CAMSAP1: variants seen among roughly 807,000 people sequenced by gnomAD.
CAMSAP1 encodes calmodulin-regulated spectrin-associated protein 1.
Under a neutral mutation model 143.5 loss-of-function variants are expected in CAMSAP1, and 58 were observed. The observed-to-expected ratio is 0.40, with a 90% CI of 0.33 to 0.50. The LOEUF (loss-of-function observed/expected upper bound fraction) is 0.50, where lower values mean the gene tolerates loss of function less well. CAMSAP1 is among the 20% of genes least tolerant of loss of function. The probability of loss-of-function intolerance (pLI) is 0.45; values close to 1 mark genes in which losing one functional copy is unlikely to be tolerated. For missense variants in CAMSAP1, 1,969 were observed against 2,115.7 expected (o/e 0.93, Z 1.36); for synonymous variants, 945 against 859.3 (o/e 1.10, Z -1.74).
chr9:135,865,378 G>C (rs891565349), intron 4 of CAMSAP1: 1 of 1,550,746 alleles, frequency 6.4e-7, no homozygotes, highest in Non-Finnish European at 8.7e-7. Flanking sequence ...CTCAGGAAGC[G>C]AGAGAAGGAA....
intron 7 of CAMSAP1, among the ~76,000 whole-genome samples, chr9:135,848,663 G>A (rs1399399119): frequency 6.6e-6 from 1 of 152,198 alleles, no homozygotes; most frequent in Non-Finnish European, 1.5e-5. Flanking sequence ...GCTCGTGGCT[G>A]TGGCTCACAC....
intron 1 of CAMSAP1, among the ~76,000 whole-genome samples, chr9:135,902,416 A>G (rs2131031688): frequency 6.6e-6 from 1 of 152,234 alleles, no homozygotes; most frequent in East Asian, 1.9e-4. Context: ...GAAGACACGC[A>G]GTGGTTTCAC....
chr9:135,898,320 G>A (rs1322834079), intron 1 of CAMSAP1, among the ~76,000 whole-genome samples: 1 of 152,130 alleles, frequency 6.6e-6, no homozygotes, highest in African/African-American at 2.4e-5. Flanking sequence ...TCTCTGTATA[G>A]TATTTCTTTA....
rs557441436 is a variant in CAMSAP1 at position 135,840,137 on chromosome 9, G to A, written c.1045+10000C>T. 5.1e-4 allele frequency among the ~76,000 whole-genome samples: 78 copies of A among 152,336 alleles called. 1 individual carries two copies. In the South Asian group the frequency reaches 0.011, roughly 22 times the overall value. On this transcript the variant is annotated intron_variant, in intron 7 of 16. Coordinates refer to ENST00000389532, the MANE Select transcript of CAMSAP1 (RefSeq NM_015447.4). ...GCAGTTCACTTTTCCAAGAGCAGCC[G>A]TGCATTCTGCACCTGAGTGTTGGCC...
intron 1 of CAMSAP1, among the ~76,000 whole-genome samples, chr9:135,892,510 C>A (rs1838318328): frequency 6.6e-6 from 1 of 151,954 alleles, no homozygotes; most frequent in African/African-American, 2.4e-5. Flanking sequence ...GGAGACCAGC[C>A]TGGGCAACAT....
chr9:135,839,300 T>C (rs556619523), intron 7 of CAMSAP1, among the ~76,000 whole-genome samples: 1 of 152,220 alleles, frequency 6.6e-6, no homozygotes, highest in African/African-American at 2.4e-5. Flanking sequence ...TAGCTATGAG[T>C]CTGTTTGTGT....
intron 1 of CAMSAP1, among the ~76,000 whole-genome samples, chr9:135,905,055 TCTCA>T (rs1417343790): frequency 6.6e-6 from 1 of 152,196 alleles, no homozygotes; most frequent in African/African-American, 2.4e-5. Context: ...GGCACTCCAG[TCTCA>T]GCTCCTAAGA....
intron 5 of CAMSAP1, among the ~76,000 whole-genome samples, chr9:135,855,271 C>T (rs1836916161): frequency 6.6e-6 from 1 of 152,156 alleles, no homozygotes; most frequent in Admixed American, 6.5e-5. Flanking sequence ...GGATTACAGG[C>T]GTGAGCCACT....
At chr9:135,897,353 T>C (rs1262227479) in intron 1 of CAMSAP1, among the ~76,000 whole-genome samples, 1 of 152,048 alleles carries the variant, frequency 6.6e-6, no homozygotes, top group Non-Finnish European at 1.5e-5. Context: ...TAGGTCTTGC[T>C]ATGTTGCCCA....
intron 7 of CAMSAP1, among the ~76,000 whole-genome samples, chr9:135,832,777 C>T (rs912845621): frequency 1.3e-5 from 2 of 151,986 alleles, no homozygotes; most frequent in Non-Finnish European, 2.9e-5. Flanking sequence ...AGAAAACAAT[C>T]CAATTTATAA....
At chr9:135,836,436 A>G (rs538575485) in intron 7 of CAMSAP1, 7 of 982,422 alleles carry the variant, frequency 7.1e-6, no homozygotes, top group Admixed American at 6.3e-5. Context: ...GTCACCACAC[A>G]CTTTCTACCC....
At position 135,824,959 on chromosome 9, in the gene CAMSAP1, G is replaced by A; in HGVS notation, c.1224-79C>T. ...CAACAGCAAATGCACAAGTGTACAG[G>A]ACCATCCTGAATTCACACCAAGTTT... On this transcript the variant is annotated intron_variant, in intron 8 of 16. Transcript: ENST00000389532. The surrounding 1 kb of genome is among the most constrained non-coding windows in gnomAD (Gnocchi z 4.1). 2.7e-6 allele frequency: 3 copies of A among 1,106,604 alleles called. No individual in the cohort carries two copies. The highest frequency in any genetic ancestry group is 3.0e-5 in the South Asian group (2 of 66,806). 68.5% of individuals were successfully genotyped at this position (1,106,604 alleles called of 1,614,324 possible).
chr9:135,885,008 A>G (rs1219888601), intron 1 of CAMSAP1, among the ~76,000 whole-genome samples: 2 of 152,186 alleles, frequency 1.3e-5, no homozygotes, highest in East Asian at 1.9e-4. Context: ...AAGATGCGAC[A>G]GTCACTCTCA....
chr9:135,830,266 G>A (rs944388500), intron 7 of CAMSAP1, among the ~76,000 whole-genome samples: 1 of 152,204 alleles, frequency 6.6e-6, no homozygotes, highest in Non-Finnish European at 1.5e-5. Flanking sequence ...AAAAGATAGA[G>A]AGTAGCTAAA....
At chr9:135,839,571 G>A (rs531205197) in intron 7 of CAMSAP1, among the ~76,000 whole-genome samples, 8 of 152,240 alleles carry the variant, frequency 5.3e-5, no homozygotes, top group Non-Finnish European at 7.4e-5. Context: ...AGAATCACGC[G>A]ACATTAACAA....
chr9:135,866,649 C>T (rs180673597), intron 3 of CAMSAP1, 113 bp from the exon 4 acceptor site: 10 of 643,586 alleles, frequency 1.6e-5, no homozygotes, highest in Non-Finnish European at 2.8e-5. Context: ...GACTCCTAGA[C>T]ATAGGTATTG....
chr9:135,812,737 G>A (rs1835094429), intron 16 of CAMSAP1, among the ~76,000 whole-genome samples: 1 of 152,208 alleles, frequency 6.6e-6, no homozygotes, highest in African/African-American at 2.4e-5. Context: ...GGGAAGCTGA[G>A]GTGGGCGAAT....
chr9:135,862,087 T>C (rs948723730), intron 5 of CAMSAP1, among the ~76,000 whole-genome samples: 4 of 152,190 alleles, frequency 2.6e-5, no homozygotes, highest in Admixed American at 2.0e-4. Context: ...TTCTGAGACA[T>C]AGATAAAGTC....
intron 3 of CAMSAP1, among the ~76,000 whole-genome samples, chr9:135,881,222 T>G (rs917924806): frequency 1.3e-5 from 2 of 151,812 alleles, no homozygotes; most frequent in Non-Finnish European, 2.9e-5. Context: ...CCAAGCATAG[T>G]AGCACGTGCC....
Sources: allele counts gnomAD v4.1 joint callset (sites outside exome capture counted in the v4.1 genomes callset), GRCh38; gene constraint gnomAD v4.1.1; non-coding constraint Gnocchi (gnomAD v3.1); transcripts MANE v1.5; gene names NCBI Gene and HGNC (gene_info 2026-07-23, HGNC 2026-07-21).